Variants in KYNU observed in about 807,000 individuals in gnomAD.
The protein encoded by KYNU is L-kynurenine hydrolase.
Under a neutral mutation model 59.2 loss-of-function variants are expected in KYNU, and 54 were observed. That is an observed-to-expected ratio of 0.91 (90% CI 0.73 to 1.14). The LOEUF (loss-of-function observed/expected upper bound fraction) is 1.14, where lower values mean the gene tolerates loss of function less well. Ranked by LOEUF, KYNU falls within the 50% of genes most tolerant of loss-of-function variation. The probability of loss-of-function intolerance (pLI) is 0.00; values close to 1 mark genes in which losing one functional copy is unlikely to be tolerated. For synonymous variants in KYNU, 177 were observed against 192.0 expected (o/e 0.92, Z 0.65); for missense variants, 567 against 554.4 (o/e 1.02, Z -0.23).
intron 1 of KYNU, among the ~76,000 whole-genome samples, chr2:142,883,488 G>A (rs935533243): frequency 6.6e-6 from 1 of 152,006 alleles, no homozygotes; most frequent in Non-Finnish European, 1.5e-5. Flanking sequence ...GTGAGCCACT[G>A]CGCCTGGCCC....
intron 10 of KYNU, among the ~76,000 whole-genome samples, chr2:143,024,932 A>G (rs1686509057): frequency 6.6e-6 from 1 of 152,040 alleles, no homozygotes; most frequent in South Asian, 2.1e-4. Flanking sequence ...ACTATTTTAA[A>G]TATATCTTTT....
intron 8 of KYNU, among the ~76,000 whole-genome samples, 161 bp downstream of exon 8, chr2:142,960,931 C>G (rs1684322583): frequency 6.6e-6 from 1 of 150,800 alleles, no homozygotes; most frequent in African/African-American, 2.4e-5. Context: ...CACGGTGGCT[C>G]ACGCCTGTAA....
rs540246237 is a variant in KYNU at position 143,006,984 on chromosome 2, C to A, written c.902+20963C>A. Among the ~76,000 whole-genome samples the A allele has an allele frequency of 2.1e-3, 318 of 151,366 alleles. 3 individuals carry two copies. Among genetic ancestry groups the A allele is most frequent in the African/African-American group, 7.7e-3 (312 of 40,710 alleles). Reference sequence around the variant, plus strand: ...AAACAGAACAGAAAAACTGGAAACTCTAAAACGCAGAGCGTCTCTCCTCCT... The same window carrying A: ...AAACAGAACAGAAAAACTGGAAACTATAAAACGCAGAGCGTCTCTCCTCCT... On this transcript the variant is annotated intron_variant, in intron 10 of 13. Coordinates refer to ENST00000264170, the MANE Select transcript of KYNU (RefSeq NM_003937.3).
chr2:142,999,007 C>CAAAAAAAA (rs59742828), intron 10 of KYNU, among the ~76,000 whole-genome samples: 2 of 63,490 alleles, frequency 3.2e-5, no homozygotes, highest in Non-Finnish European at 3.0e-5. Context: ...GACTCCGTCT[C>CAAAAAAAA]AAAAAAAAAA....
At chr2:142,979,829 G>A (rs1237448809) in intron 8 of KYNU, among the ~76,000 whole-genome samples, 1 of 151,968 alleles carries the variant, frequency 6.6e-6, no homozygotes, top group Non-Finnish European at 1.5e-5. Flanking sequence ...CCAGAAAAGG[G>A]CTCCCAATCC....
At position 142,997,492 on chromosome 2, in the gene KYNU, GA is replaced by G. The variant is rs1573883841; in HGVS notation, c.902+11472del. 5.3e-5 allele frequency among the ~76,000 whole-genome samples: 8 copies of G among 152,202 alleles called. 1 individual carries two copies. In the East Asian group the frequency reaches 1.5e-3, roughly 29 times the overall value. ...TTTTTTAAAGCCAAGGAAACAGTAA[GA>G]CAATTATATTTCATTTTAAGTTATA... On this transcript the variant is annotated intron_variant, in intron 10 of 13. Coordinates refer to ENST00000264170, the MANE Select transcript of KYNU (RefSeq NM_003937.3).
At chr2:142,917,452 G>A (rs1325539832) in intron 2 of KYNU, among the ~76,000 whole-genome samples, 2 of 143,500 alleles carry the variant, frequency 1.4e-5, no homozygotes, top group East Asian at 4.0e-4. Flanking sequence ...CCATTGATGT[G>A]ATAACCTTTT....
chr2:142,906,989 C>A (rs1287103815), intron 2 of KYNU, among the ~76,000 whole-genome samples: 2 of 152,172 alleles, frequency 1.3e-5, no homozygotes, highest in Non-Finnish European at 2.9e-5. Flanking sequence ...AGTCCGGTGG[C>A]CATGCTAATC....
intron 10 of KYNU, among the ~76,000 whole-genome samples, chr2:143,005,701 G>C (rs1000135224): frequency 7.2e-5 from 11 of 151,878 alleles, no homozygotes; most frequent in Non-Finnish European, 1.2e-4. Context: ...AAAAAACCTG[G>C]AACTATTTAG....
In KYNU at chr2:143,019,942, T is replaced by G. The variant is rs531152148; in HGVS notation, c.903-9685T>G. Among the ~76,000 whole-genome samples, 76 of 152,156 alleles carry G rather than the reference T, an allele frequency of 5.0e-4. 1 individual carries two copies. Among genetic ancestry groups the G allele is most frequent in the African/African-American group, 1.8e-3 (74 of 41,562 alleles). The stretch of plus-strand genomic sequence containing the variant: ...TATAGCTGTTTATATAGTCTGTAAT[T>G]ATCCTTTGTATTTCTGTGGTATCAG... On this transcript the variant is annotated intron_variant, in intron 10 of 13. Transcript: ENST00000264170.
At chr2:142,906,825 C>T (rs1682313680) in intron 2 of KYNU, among the ~76,000 whole-genome samples, 1 of 152,152 alleles carries the variant, frequency 6.6e-6, no homozygotes, top group South Asian at 2.1e-4. Context: ...CCGGCCAATG[C>T]CAGGGGTTCA....
Position 142,944,306 on chromosome 2 carries a change from T to A in KYNU, c.374-10504T>A, listed in dbSNP as rs1683703722. ...ACTTAATGGATCCATAAACATTAGCTTGCCAGTCTTTGAGACCAGAATGCA... is the reference window on the plus strand; with the variant it reads ...ACTTAATGGATCCATAAACATTAGCATGCCAGTCTTTGAGACCAGAATGCA... On this transcript the variant is annotated intron_variant, in intron 4 of 13. Transcript: ENST00000264170. Among the ~76,000 whole-genome samples the A allele has an allele frequency of 2.0e-5, 3 of 152,214 alleles. No individual in the cohort carries two copies. In the South Asian group the frequency reaches 6.2e-4, roughly 31 times the overall value.
intron 10 of KYNU, among the ~76,000 whole-genome samples, chr2:143,001,759 C>T (rs541926043): frequency 6.6e-6 from 1 of 152,304 alleles, no homozygotes; most frequent in Admixed American, 6.5e-5. Flanking sequence ...CACTCAACCA[C>T]TTTAAGCCAT....
chr2:142,929,359 CAAA>C (rs5834929), intron 4 of KYNU, among the ~76,000 whole-genome samples: 1 of 106,450 alleles, frequency 9.4e-6, no homozygotes, highest in Non-Finnish European at 2.0e-5. Flanking sequence ...TTGCCTTTCT[CAAA>C]AAAAAAAAAA....
At chr2:143,033,163 C>T (rs977775215) in intron 11 of KYNU, 73 bp from the exon 12 acceptor site, 2 of 1,009,580 alleles carry the variant, frequency 2.0e-6, no homozygotes, top group African/African-American at 3.2e-5. Flanking sequence ...CTTTTACTCT[C>T]CAGTACTCTA....
Position 142,917,465 on chromosome 2 carries a change from TAA to T in KYNU, c.170-1132_170-1131del, listed in dbSNP as rs5834928. ...AACCATTGATGTGATAACCTTTTAT[TAA>T]AAAAAAAAAAATTAAATAGAGATGG... On this transcript the variant is annotated intron_variant, in intron 2 of 13. Coordinates refer to ENST00000264170, the MANE Select transcript of KYNU (RefSeq NM_003937.3). 3.3e-3 allele frequency among the ~76,000 whole-genome samples: 488 copies of T among 149,312 alleles called. 2 individuals carry two copies. Among genetic ancestry groups the T allele is most frequent in the African/African-American group, 6.1e-3 (249 of 40,742 alleles).
At chr2:142,985,284 T>G in intron 9 of KYNU, 102 bp downstream of exon 9, 1 of 752,114 alleles carries the variant, frequency 1.3e-6, no homozygotes, top group South Asian at 1.4e-5. Flanking sequence ...TGAGTTACTT[T>G]CCCTATTTCT....
rs904143415 is a variant in KYNU, at chr2:143,052,138, T to C, written c.*9966T>C. The stretch of plus-strand genomic sequence containing the variant: ...GACTGGAGGCATTTTGCCCCTGCCC[T>C]AGAGATTTGTGGGACATTAAACTTG... On this transcript the variant is annotated 3_prime_UTR_variant, in exon 14 of 14. Coordinates refer to ENST00000264170, the MANE Select transcript of KYNU (RefSeq NM_003937.3). The C allele has an allele frequency of 2.6e-5, 4 of 152,254 alleles. No individual in the cohort carries two copies. The highest frequency in any genetic ancestry group is 9.6e-5 in the African/African-American group (4 of 41,478). 9.4% of individuals were successfully genotyped at this position (152,254 alleles called of 1,614,324 possible).
At chr2:142,960,075 CTG>C (rs906381415) in intron 7 of KYNU, among the ~76,000 whole-genome samples, 1 of 152,140 alleles carries the variant, frequency 6.6e-6, no homozygotes, top group Non-Finnish European at 1.5e-5. Context: ...TTAATAAAGA[CTG>C]AGTTTCACCA....
Sources: gnomAD v4.1 joint callset for allele counts (sites outside exome capture counted in the v4.1 genomes callset) on GRCh38, gnomAD v4.1.1 for gene constraint, MANE v1.5 for transcripts, NCBI Gene and HGNC (gene_info 2026-07-23, HGNC 2026-07-21) for gene names.